ACSF2: variants seen among roughly 807,000 people sequenced by gnomAD.
ACSF2 encodes medium-chain acyl-CoA ligase ACSF2, mitochondrial.
A neutral mutation model predicts 79.3 loss-of-function variants in ACSF2; 52 were observed. The ratio of observed to expected loss-of-function variants is 0.66; its 90% CI spans 0.53 to 0.83. ACSF2 has a LOEUF of 0.83. Among genes scored for constraint, ACSF2 ranks in the 40% least tolerant of loss-of-function variants. The pLI, the probability that ACSF2 is intolerant of heterozygous loss-of-function variation, is 0.00. For missense variants in ACSF2, 661 were observed against 803.3 expected (o/e 0.82, Z 2.14); for synonymous variants, 283 against 312.6 (o/e 0.91, Z 1.00).
At position 50,472,523 on chromosome 17, in the gene ACSF2, G is replaced by C. The variant is rs748123302; in HGVS notation, c.1419G>C (p.Trp473Cys). 6.2e-7 allele frequency: 1 copy of C among 1,612,580 alleles called. No individual in the cohort carries two copies. ...GGTACTGCGTCATGCTGGGCTACTG[G>C]GGTGAGCCTCAGAAGACAGAGGAAG... is the stretch of plus-strand genomic sequence containing the variant. ...IRGYCVMLGY[W>C]GEPQKTEEAV... Residue 473 changes from tryptophan (W) to cysteine (C), a missense_variant, in exon 12 of 16, where the codon TGG becomes TGC. Coordinates refer to ENST00000300441, the MANE Select transcript of ACSF2 (RefSeq NM_025149.6).
chr17:50,460,109 C>A (rs972190952), intron 1 of ACSF2: 34 of 450,848 alleles, frequency 7.5e-5, no homozygotes, highest in Admixed American at 5.5e-4. Context: ...CACCTACAGG[C>A]CTGTGGAATA....
intron 1 of ACSF2, chr17:50,450,743 G>A (rs2031618696): frequency 6.5e-6 from 1 of 152,918 alleles, no homozygotes; most frequent in African/African-American, 2.4e-5. Context: ...CATGAGCTTG[G>A]ATCTAAGTCT....
At chr17:50,431,295 T>C (rs1167958603) in intron 1 of ACSF2, among the ~76,000 whole-genome samples, 1 of 152,168 alleles carries the variant, frequency 6.6e-6, no homozygotes, top group Non-Finnish European at 1.5e-5. Context: ...GATGAATGAG[T>C]TTGTTTTCAT....
chr17:50,471,468 T>C lies in ACSF2; in HGVS notation c.1323+333T>C. On this transcript the variant is annotated intron_variant, in intron 11 of 15. Coordinates refer to ENST00000300441, the MANE Select transcript of ACSF2 (RefSeq NM_025149.6). This position sits in a 1 kb window ranked among gnomAD's most constrained non-coding sequence, Gnocchi z 4.1. ...AGAGGAGCCAGAGCACAGAGAGTTT[T>C]CCTACACAGCTTCTTTTCCTCCAGT... The C allele has an allele frequency of 2.9e-6, 1 of 341,934 alleles. No homozygotes were observed. The allele number at this position is 341,934 out of a possible 1,614,324, so 21.2% of individuals were successfully genotyped here.
At chr17:50,441,633 C>T (rs1328954838) in intron 1 of ACSF2, among the ~76,000 whole-genome samples, 3 of 152,166 alleles carry the variant, frequency 2.0e-5, no homozygotes, top group Admixed American at 1.3e-4. Context: ...CTCATTCCTT[C>T]ATCTGTAAAA....
At chr17:50,461,445 A>C in intron 3 of ACSF2, 75 bp downstream of exon 3, 1 of 1,604,930 alleles carries the variant, frequency 6.2e-7, no homozygotes, top group East Asian at 2.2e-5. Context: ...TCAGGCCCTC[A>C]GCCCCAGGAT....
intron 1 of ACSF2, among the ~76,000 whole-genome samples, chr17:50,426,670 G>A (rs533604695): frequency 2.6e-5 from 4 of 152,338 alleles, no homozygotes; most frequent in African/African-American, 7.2e-5. Flanking sequence ...GGCAAGGAGT[G>A]TGGGCTTTAA....
intron 1 of ACSF2, among the ~76,000 whole-genome samples, chr17:50,445,394 T>C (rs1252293502): frequency 1.3e-5 from 2 of 152,184 alleles, no homozygotes; most frequent in Admixed American, 1.3e-4. Context: ...CAGTGTTCCT[T>C]TTCTCTTCTG....
chr17:50,447,655 G>A (rs1008256512), intron 1 of ACSF2, among the ~76,000 whole-genome samples: 1 of 151,998 alleles, frequency 6.6e-6, no homozygotes, highest in African/African-American at 2.4e-5. Flanking sequence ...TGCTTAAAGC[G>A]GGGAGAATAA....
chr17:50,463,311 G>A lies in ACSF2; in HGVS notation c.888+60G>A. On this transcript the variant is annotated intron_variant, in intron 7 of 15. Coordinates refer to ENST00000300441, the MANE Select transcript of ACSF2 (RefSeq NM_025149.6). This position sits in a 1 kb window ranked among gnomAD's most constrained non-coding sequence, Gnocchi z 4.6. Reference sequence around the variant, plus strand: ...GAGGGGTGGCTCAGGCAGGGGTGGGGGGCTGGCTGGGCTCCCCTTGCCAGC... The same window carrying A: ...GAGGGGTGGCTCAGGCAGGGGTGGGAGGCTGGCTGGGCTCCCCTTGCCAGC... The A allele has an allele frequency of 6.2e-7, 1 of 1,610,448 alleles. No homozygotes were observed. Among genetic ancestry groups the A allele is most frequent in the South Asian group, 1.1e-5 (1 of 90,676 alleles).
chr17:50,452,975 C>G (rs2143646986), intron 1 of ACSF2, among the ~76,000 whole-genome samples: 1 of 152,276 alleles, frequency 6.6e-6, no homozygotes, highest in East Asian at 1.9e-4. Flanking sequence ...CTCTGATGAT[C>G]AGATAGGAGA....
intron 10 of ACSF2, chr17:50,465,912 T>C (rs751910798): frequency 1.2e-6 from 2 of 1,609,082 alleles, no homozygotes; most frequent in African/African-American, 1.3e-5. Flanking sequence ...AAGGTGGTCA[T>C]GAGTGAATGA....
intron 1 of ACSF2, among the ~76,000 whole-genome samples, chr17:50,450,976 G>A (rs1247686530): frequency 3.3e-5 from 5 of 152,146 alleles, no homozygotes; most frequent in African/African-American, 7.2e-5. Flanking sequence ...CTGTCACCCA[G>A]GCCTGTTGTG....
chr17:50,455,440 G>A (rs553376860), intron 1 of ACSF2, among the ~76,000 whole-genome samples: 3 of 152,286 alleles, frequency 2.0e-5, no homozygotes, highest in African/African-American at 7.2e-5. Context: ...AGTAAACAGG[G>A]AGTGGGGAAG....
chr17:50,472,673 A>T, intron 12 of ACSF2, 94 bp downstream of exon 12: 1 of 1,432,322 alleles, frequency 7.0e-7, no homozygotes, highest in Non-Finnish European at 9.3e-7. Flanking sequence ...CACCGTGAGG[A>T]TGTGGGTATC....
chr17:50,428,383 G>A (rs1343884066), intron 1 of ACSF2, among the ~76,000 whole-genome samples: 1 of 152,160 alleles, frequency 6.6e-6, no homozygotes, highest in Non-Finnish European at 1.5e-5. Flanking sequence ...GGGTGTCTGA[G>A]GCAGGAGAAT....
intron 1 of ACSF2, among the ~76,000 whole-genome samples, chr17:50,449,030 T>C (rs538771488): frequency 0.017 from 2,514 of 148,024 alleles, 82 homozygotes; most frequent in African/African-American, 0.059. Context: ...TTTTTTTTTT[T>C]TTTGGAGATG....
At chr17:50,464,022 G>A (rs569714002) in intron 9 of ACSF2, 113 bp downstream of exon 9, 15 of 673,626 alleles carry the variant, frequency 2.2e-5, no homozygotes, top group African/African-American at 9.5e-5. Context: ...CAAGAAGGAC[G>A]CTGTAAAAAT....
intron 10 of ACSF2, chr17:50,465,709 C>T: frequency 1.2e-6 from 2 of 1,613,206 alleles, no homozygotes; most frequent in Non-Finnish European, 1.7e-6. Context: ...GTTCTTACCG[C>T]CGAAGGCCCC....
Sources: allele counts gnomAD v4.1 joint callset (sites outside exome capture counted in the v4.1 genomes callset), GRCh38; gene constraint gnomAD v4.1.1; non-coding constraint Gnocchi (gnomAD v3.1); transcripts MANE v1.5; gene names NCBI Gene and HGNC (gene_info 2026-07-23, HGNC 2026-07-21).